Variants in CNTNAP5 observed in about 807,000 individuals in gnomAD.
CNTNAP5 encodes contactin associated protein family member 5.
CNTNAP5 carries 72 observed loss-of-function variants against 150.2 expected under a neutral mutation model. The observed-to-expected ratio is 0.48, with a 90% CI of 0.40 to 0.58. The LOEUF (loss-of-function observed/expected upper bound fraction) is 0.58. CNTNAP5 is among the 20% of genes least tolerant of loss of function. The pLI is 0.00. For synonymous variants in CNTNAP5, 672 were observed against 619.8 expected, an observed-to-expected ratio of 1.08 and a Z score of -1.25; for missense variants, 1,636 against 1,626.2, an observed-to-expected ratio of 1.01 and a Z score of -0.10.
chr2:124,894,704 C>T (rs1678267848), intron 21 of CNTNAP5, among the ~76,000 whole-genome samples: 1 of 151,144 alleles, frequency 6.6e-6, no homozygotes, highest in Admixed American at 6.6e-5. Context: ...CAGAAACACA[C>T]CACCACACCT....
intron 6 of CNTNAP5, among the ~76,000 whole-genome samples, chr2:124,468,222 A>G (rs1318435275): frequency 6.6e-6 from 1 of 152,148 alleles, no homozygotes; most frequent in Non-Finnish European, 1.5e-5. Context: ...ACACAATCAC[A>G]AGGTGAAGCC....
intron 1 of CNTNAP5, among the ~76,000 whole-genome samples, chr2:124,196,155 A>G (rs145324226): frequency 6.2e-4 from 94 of 152,294 alleles, no homozygotes; most frequent in African/African-American, 2.1e-3. Flanking sequence ...ACAATGGCTT[A>G]AATTGTTCAA....
intron 3 of CNTNAP5, among the ~76,000 whole-genome samples, chr2:124,363,328 C>T (rs574395281): frequency 1.4e-3 from 215 of 152,196 alleles, no homozygotes; most frequent in African/African-American, 5.1e-3. Flanking sequence ...TCTCATGTTC[C>T]CAAATGTGAG....
intron 5 of CNTNAP5, among the ~76,000 whole-genome samples, chr2:124,435,366 G>T (rs1174173701): frequency 6.6e-6 from 1 of 152,090 alleles, no homozygotes; most frequent in Non-Finnish European, 1.5e-5. Flanking sequence ...TCCCAGAGAA[G>T]GAGGAGAGAG....
At chr2:124,360,416 C>T (rs1366600815) in intron 3 of CNTNAP5, among the ~76,000 whole-genome samples, 5 of 147,956 alleles carry the variant, frequency 3.4e-5, no homozygotes, top group African/African-American at 1.2e-4. Flanking sequence ...ATGGTCTTTA[C>T]ATTTTGGCTT....
Position 124,865,425 on chromosome 2 carries a change from C to G in CNTNAP5, c.3337C>G (p.Leu1113Val). ...GAAGATTAACCGAGAGGGAAGAGAG[C>G]TTACCATTCAGGTACCTTCCTTACT... Reference protein sequence around the residue: ...HLKINREGRELTIQMDQQLRL... With the variant: ...HLKINREGREVTIQMDQQLRL... Residue 1113 changes from leucine to valine, a missense_variant, in exon 20 of 24, where the codon CTT becomes GTT. Leu to Val is a conservative substitution (Grantham distance 32, BLOSUM62 1). Transcript: ENST00000682447. 4.5e-6 allele frequency: 7 copies of G among 1,551,702 alleles called. No individual in the cohort carries two copies. Among genetic ancestry groups the G allele is most frequent in the Non-Finnish European group, 6.1e-6 (7 of 1,146,890 alleles).
chr2:124,067,690 C>T (rs1015267715), intron 1 of CNTNAP5, among the ~76,000 whole-genome samples: 5 of 152,104 alleles, frequency 3.3e-5, no homozygotes, highest in African/African-American at 9.7e-5. Context: ...ATAATTTCAA[C>T]TATACTTTTT....
intron 3 of CNTNAP5, among the ~76,000 whole-genome samples, chr2:124,365,309 C>CA (rs1690343257): frequency 6.9e-6 from 1 of 143,900 alleles, no homozygotes; most frequent in South Asian, 2.2e-4. Context: ...GAGCAAGACT[C>CA]TGTCCCAAAA....
chr2:124,156,996 C>T (rs1030744928), intron 1 of CNTNAP5, among the ~76,000 whole-genome samples: 17 of 152,196 alleles, frequency 1.1e-4, no homozygotes, highest in African/African-American at 3.9e-4. Context: ...GCAGATGGAG[C>T]AGAGCCTGAT....
intron 19 of CNTNAP5, among the ~76,000 whole-genome samples, chr2:124,801,372 TAAC>T (rs1428049096): frequency 6.6e-6 from 1 of 152,148 alleles, no homozygotes; most frequent in Admixed American, 6.5e-5. Flanking sequence ...TACAGCAATC[TAAC>T]TAGAAGGGAG....
In CNTNAP5 at chr2:124,474,816, C is replaced by T; in HGVS notation, c.996C>T (p.Asn332=). ...LKKNFHGCIE[N]LYYNGVNIID... ...AAAACTTCCATGGATGCATCGAAAACCTTTACTACAATGGAGTAAACATAA... is the reference window on the plus strand; with the variant it reads ...AAAACTTCCATGGATGCATCGAAAATCTTTACTACAATGGAGTAAACATAA... The change falls in exon 7 of 24, where the codon AAC becomes AAT. Residue 332 remains asparagine (N), a synonymous_variant. Transcript: ENST00000682447. The T allele has an allele frequency of 1.2e-6, 2 of 1,607,890 alleles. No homozygotes were observed. Among genetic ancestry groups the T allele is most frequent in the Non-Finnish European group, 1.7e-6 (2 of 1,177,622 alleles).
intron 1 of CNTNAP5, among the ~76,000 whole-genome samples, chr2:124,046,433 G>GAGAAAAAA (rs376445841): frequency 7.4e-6 from 1 of 134,610 alleles, no homozygotes; most frequent in Non-Finnish European, 1.5e-5. Context: ...ACAAAAGAGA[G>GAGAAAAAA]AAAAAAAAAA....
rs936215207 is a variant in CNTNAP5, at chr2:124,025,611, A to T, written c.-40A>T. The stretch of plus-strand genomic sequence containing the variant: ...AAGAAGCCGCGGCTGGCTACTGCGA[A>T]TTTGGGATTCGATTGGGAGGGACCG... On this transcript the variant is annotated 5_prime_UTR_variant, in exon 1 of 24. Coordinates refer to ENST00000682447, the MANE Select transcript of CNTNAP5 (RefSeq NM_001367498.1). 1.9e-6 allele frequency: 3 copies of T among 1,596,896 alleles called. No individual in the cohort carries two copies. The African/African-American group carries it at 4.0e-5, about 21-fold the overall frequency.
chr2:124,109,232 C>G (rs1683241638), intron 1 of CNTNAP5, among the ~76,000 whole-genome samples: 1 of 152,148 alleles, frequency 6.6e-6, no homozygotes. Flanking sequence ...CACACTGAGG[C>G]CTCAAACCCT....
chr2:124,702,506 A>G (rs1679545275), intron 13 of CNTNAP5, among the ~76,000 whole-genome samples: 1 of 151,218 alleles, frequency 6.6e-6, no homozygotes, highest in South Asian at 2.1e-4. Flanking sequence ...CTTTCCCCCT[A>G]AGACTTAGTG....
intron 1 of CNTNAP5, among the ~76,000 whole-genome samples, chr2:124,172,770 T>TCC (rs1684964447): frequency 1.8e-5 from 1 of 56,682 alleles, no homozygotes; most frequent in Non-Finnish European, 4.3e-5. Context: ...TCTGGCTCTC[T>TCC]CTCTCTCTCT....
chr2:124,620,753 A>G (rs924958061), intron 12 of CNTNAP5, among the ~76,000 whole-genome samples: 41 of 124,990 alleles, frequency 3.3e-4, no homozygotes, highest in East Asian at 2.3e-3. Context: ...ATGCACACAC[A>G]CACACACACA....
At chr2:124,103,461 C>T (rs934648402) in intron 1 of CNTNAP5, among the ~76,000 whole-genome samples, 1 of 152,106 alleles carries the variant, frequency 6.6e-6, no homozygotes, top group Non-Finnish European at 1.5e-5. Context: ...AGAGCAACTT[C>T]TAGCCCTATA....
chr2:124,127,293 T>C (rs1683730853), intron 1 of CNTNAP5, among the ~76,000 whole-genome samples: 1 of 152,086 alleles, frequency 6.6e-6, no homozygotes, highest in Non-Finnish European at 1.5e-5. Flanking sequence ...ATATCATGAG[T>C]GAACTCACAT....
Sources: allele counts gnomAD v4.1 joint callset (sites outside exome capture counted in the v4.1 genomes callset), GRCh38; gene constraint gnomAD v4.1.1; transcripts MANE v1.5; gene names NCBI Gene and HGNC (gene_info 2026-07-23, HGNC 2026-07-21).